The following ACCSL variants were observed in gnomAD, a reference collection of about 807,000 sequenced individuals.
The protein encoded by ACCSL is 1-aminocyclopropane-1-carboxylate synthase homolog (inactive) like, also known as probable inactive 1-aminocyclopropane-1-carboxylate synthase-like protein 2.
ACCSL carries 55 observed loss-of-function variants against 61.7 expected under a neutral mutation model. That is an observed-to-expected ratio of 0.89 (90% confidence interval 0.72 to 1.12). The LOEUF (loss-of-function observed/expected upper bound fraction) is 1.12. Among genes scored for constraint, ACCSL ranks in the 50% most tolerant of loss-of-function variants. The pLI is 0.00. For synonymous variants in ACCSL, 258 were observed against 264.3 expected, an observed-to-expected ratio of 0.98 and a Z score of 0.23; for missense variants, 632 against 698.0, an observed-to-expected ratio of 0.91 and a Z score of 1.07.
chr11:44,031,012 A>G, the ACCSL span, among the ~76,000 whole-genome samples: 1 of 152,202 alleles, frequency 6.6e-6, no homozygotes, highest in African/African-American at 2.4e-5. Flanking sequence ...ATTTACACCC[A>G]GGATTTGGAA....
At chr11:44,012,029 G>A in the ACCSL span, among the ~76,000 whole-genome samples, 1 of 152,120 alleles carries the variant, frequency 6.6e-6, no homozygotes. Flanking sequence ...GATGTGGGAG[G>A]AAAGAGAAGA....
chr11:43,977,419 T>C, the ACCSL span, among the ~76,000 whole-genome samples: 3 of 135,302 alleles, frequency 2.2e-5, no homozygotes, highest in African/African-American at 7.7e-5. Context: ...GATGGCATGG[T>C]GAGAAAGAAC....
At chr11:44,004,474 CAAGCT>C in the ACCSL span, among the ~76,000 whole-genome samples, 2 of 152,032 alleles carry the variant, frequency 1.3e-5, no homozygotes, top group African/African-American at 2.4e-5. Context: ...CTTCCAAGGC[CAAGCT>C]GAGCTGAGCT....
chr11:43,929,003 C>T, the ACCSL span, among the ~76,000 whole-genome samples: 1 of 152,216 alleles, frequency 6.6e-6, no homozygotes, highest in African/African-American at 2.4e-5. Context: ...GCTGTGGTGG[C>T]AATTTTAGTC....
the ACCSL span, among the ~76,000 whole-genome samples, chr11:43,937,404 G>A: frequency 6.6e-6 from 1 of 152,222 alleles, no homozygotes; most frequent in Non-Finnish European, 1.5e-5. Context: ...TAACATCTGA[G>A]CTGAGAACTC....
At chr11:43,941,307 C>T in the ACCSL span, among the ~76,000 whole-genome samples, 1 of 152,208 alleles carries the variant, frequency 6.6e-6, no homozygotes, top group Non-Finnish European at 1.5e-5. Context: ...CCCCACAACA[C>T]CCCACTCCCA....
the ACCSL span, chr11:43,943,715 G>C: frequency 3.1e-6 from 4 of 1,304,426 alleles, no homozygotes; most frequent in Non-Finnish European, 2.0e-6. This position sits in a 1 kb window ranked among gnomAD's most constrained non-coding sequence, Gnocchi z 4.8. Context: ...ATTGTTAGGC[G>C]TGGCCGTTGG....
chr11:44,053,703 A>G (rs2134771882), intron 8 of ACCSL, among the ~76,000 whole-genome samples, 197 bp downstream of exon 8: 1 of 152,256 alleles, frequency 6.6e-6, no homozygotes, highest in East Asian at 1.9e-4. Context: ...CTCTACTAAA[A>G]ATACAAAAAT....
the ACCSL span, among the ~76,000 whole-genome samples, chr11:43,989,526 A>T: frequency 5.3e-5 from 8 of 152,214 alleles, no homozygotes; most frequent in Admixed American, 5.2e-4. Context: ...GGACAGGCTC[A>T]GAGGGCCTGA....
chr11:43,929,835 C>T, the ACCSL span, among the ~76,000 whole-genome samples: 12 of 152,152 alleles, frequency 7.9e-5, no homozygotes, highest in East Asian at 9.6e-4. Context: ...TGTGAACCAC[C>T]GTACCTGGCC....
At chr11:43,949,819 A>AAAAC in the ACCSL span, among the ~76,000 whole-genome samples, 17 of 127,474 alleles carry the variant, frequency 1.3e-4, no homozygotes, top group South Asian at 1.6e-3. Context: ...CATCTCAAAA[A>AAAAC]AAACAAACAA....
chr11:43,930,834 C>T, the ACCSL span, among the ~76,000 whole-genome samples: 1 of 152,160 alleles, frequency 6.6e-6, no homozygotes, highest in South Asian at 2.1e-4. Context: ...TGCACACACG[C>T]ACACACACTA....
chr11:43,935,154 C>T, the ACCSL span, among the ~76,000 whole-genome samples: 31 of 152,314 alleles, frequency 2.0e-4, 1 homozygote, highest in South Asian at 1.4e-3. Context: ...GAGGGACCCC[C>T]GGCGAATCAG....
chr11:43,939,105 A>C, the ACCSL span, among the ~76,000 whole-genome samples: 86 of 152,350 alleles, frequency 5.6e-4, 1 homozygote, highest in East Asian at 0.016. Context: ...ATATTTTGCT[A>C]AAAGCAACAT....
At chr11:43,935,812 C>G in the ACCSL span, among the ~76,000 whole-genome samples, 1 of 152,144 alleles carries the variant, frequency 6.6e-6, no homozygotes, top group South Asian at 2.1e-4. Context: ...ATTTCTGTGT[C>G]CTTCCTCTGT....
At chr11:44,051,293 AG>A (rs768763443) in intron 3 of ACCSL, 41 bp from the exon 4 acceptor site, 11 of 1,607,898 alleles carry the variant, frequency 6.8e-6, no homozygotes, top group African/African-American at 4.0e-5. Flanking sequence ...GAGTGAGGAA[AG>A]GGGCCCGGAA....
At chr11:44,039,080 G>A in the ACCSL span, among the ~76,000 whole-genome samples, 8 of 152,004 alleles carry the variant, frequency 5.3e-5, no homozygotes, top group Admixed American at 1.3e-4. Context: ...ATAGGTGCCC[G>A]GTGGATTGTT....
the ACCSL span, among the ~76,000 whole-genome samples, chr11:43,983,212 A>G: frequency 1.3e-5 from 2 of 152,212 alleles, no homozygotes; most frequent in Admixed American, 6.5e-5. Flanking sequence ...GAGAGAGCAA[A>G]TAGGATAAGA....
chr11:44,029,908 G>A, the ACCSL span, among the ~76,000 whole-genome samples: 2 of 151,760 alleles, frequency 1.3e-5, no homozygotes, highest in Non-Finnish European at 2.9e-5. Context: ...GAGGTTCTTG[G>A]AAGTGACTCC....
Sources: allele counts gnomAD v4.1 joint callset (sites outside exome capture counted in the v4.1 genomes callset), GRCh38; gene constraint gnomAD v4.1.1; non-coding constraint Gnocchi (gnomAD v3.1); transcripts MANE v1.5; gene names NCBI Gene and HGNC (gene_info 2026-07-23, HGNC 2026-07-21).